Variants in TSPAN3 observed in about 807,000 individuals in gnomAD.
The protein encoded by TSPAN3 is tetraspanin-3.
TSPAN3 carries 9 observed loss-of-function variants against 31.1 expected under a neutral mutation model. The observed-to-expected ratio is 0.29, with a 90% CI of 0.17 to 0.50. TSPAN3 has a LOEUF of 0.50. Ranked by LOEUF, TSPAN3 falls within the 20% of genes least tolerant of loss-of-function variation. The pLI is 0.98. For synonymous variants in TSPAN3, 129 were observed against 114.3 expected (o/e 1.13, Z -0.82); for missense variants, 252 against 313.5 (o/e 0.80, Z 1.48).
At chr15:77,047,239 C>CA (rs1350715795) in intron 6 of TSPAN3, among the ~76,000 whole-genome samples, 1 of 152,192 alleles carries the variant, frequency 6.6e-6, no homozygotes, top group African/African-American at 2.4e-5. Context: ...GGAGACATAC[C>CA]ACATATGCAC....
chr15:77,060,476 C>A (rs2076794336), intron 1 of TSPAN3, among the ~76,000 whole-genome samples: 1 of 152,038 alleles, frequency 6.6e-6, no homozygotes. Context: ...ATGAAAAACA[C>A]CCAAAAGAAC....
intron 6 of TSPAN3, among the ~76,000 whole-genome samples, chr15:77,047,730 G>C (rs948088494): frequency 6.6e-6 from 1 of 152,164 alleles, no homozygotes; most frequent in Non-Finnish European, 1.5e-5. Context: ...AAGAGAAAAT[G>C]ATTCTAGAAT....
intron 1 of TSPAN3, among the ~76,000 whole-genome samples, chr15:77,066,580 A>G (rs2076835118): frequency 7.0e-6 from 1 of 142,952 alleles, no homozygotes; most frequent in Non-Finnish European, 1.5e-5. Flanking sequence ...TCAAAAAAAA[A>G]AAAAAAAAAA....
intron 1 of TSPAN3, among the ~76,000 whole-genome samples, chr15:77,067,102 C>A (rs1260099987): frequency 6.6e-6 from 1 of 151,946 alleles, no homozygotes; most frequent in Non-Finnish European, 1.5e-5. Context: ...CCCTCATGAC[C>A]CAATCACCTC....
intron 1 of TSPAN3, among the ~76,000 whole-genome samples, chr15:77,061,745 G>T (rs1239547504): frequency 6.6e-6 from 1 of 152,182 alleles, no homozygotes; most frequent in Non-Finnish European, 1.5e-5. Context: ...GGGCGAAGCT[G>T]AAGCAAAGAA....
Position 77,046,924 on chromosome 15 carries a change from G to T in TSPAN3, c.673C>A (p.Leu225Met). 6.3e-7 allele frequency: 1 copy of T among 1,575,184 alleles called. No homozygotes were observed. The highest frequency in any genetic ancestry group is 1.7e-4 in the Middle Eastern group (1 of 6,016). The stretch of plus-strand genomic sequence containing the variant: ...ACGATGCAAGCACACAGCATGCCCA[G>T]CAGCTGTTGAAAGAAAACAACAATG... Reference protein sequence around the residue: ...AALAFAAIQLLGMLCACIVLC... With the variant: ...AALAFAAIQLMGMLCACIVLC... Residue 225 changes from leucine (L) to methionine (M), a missense_variant, in exon 7 of 7, where the codon CTG becomes ATG. Coordinates refer to ENST00000267970, the MANE Select transcript of TSPAN3 (RefSeq NM_005724.6).
At chr15:77,048,101 A>G in intron 6 of TSPAN3, among the ~76,000 whole-genome samples, 1 of 151,804 alleles carries the variant, frequency 6.6e-6, no homozygotes, top group East Asian at 1.9e-4. Context: ...CACTTGCACC[A>G]TTTGCACCAT....
At position 77,052,903 on chromosome 15, in the gene TSPAN3, G is replaced by C; in HGVS notation, c.459C>G (p.Tyr153Ter). 1 of 1,613,896 alleles carries C rather than the reference G, an allele frequency of 6.2e-7. No homozygotes were observed. The highest frequency in any genetic ancestry group is 8.5e-7 in the Non-Finnish European group (1 of 1,179,896). ...RQLHCCGIHN[Y>*]SDWENTDWFK... ...ACCAATCTGTATTTTCCCAGTCTGA[G>C]TAGTTGTGAATTCCACAACAATGCA... Residue 153 changes from tyrosine to a stop codon, truncating the protein, a stop_gained, in exon 5 of 7, where the codon TAC becomes TAG. Coordinates refer to ENST00000267970, the MANE Select transcript of TSPAN3 (RefSeq NM_005724.6). LOFTEE classifies it high-confidence loss of function.
intron 3 of TSPAN3, chr15:77,054,794 T>C (rs574937828): frequency 2.6e-5 from 4 of 152,504 alleles, no homozygotes; most frequent in South Asian, 4.1e-4. Context: ...TCCTTAGAAA[T>C]GGCACTTTAT....
At chr15:77,054,349 A>G in intron 3 of TSPAN3, 70 bp from the exon 4 acceptor site, 2 of 1,079,276 alleles carry the variant, frequency 1.9e-6, no homozygotes, top group Admixed American at 1.8e-5. Context: ...GGCTCCTACT[A>G]AAATACTTAA....
At chr15:77,051,160 A>G (rs1325887590) in intron 6 of TSPAN3, among the ~76,000 whole-genome samples, 1 of 152,062 alleles carries the variant, frequency 6.6e-6, no homozygotes, top group Non-Finnish European at 1.5e-5. Flanking sequence ...CGGTCTCCCA[A>G]AGTGCTGGGA....
intron 6 of TSPAN3, among the ~76,000 whole-genome samples, chr15:77,050,719 TTTCA>T (rs2076724853): frequency 6.6e-6 from 1 of 152,226 alleles, no homozygotes; most frequent in Non-Finnish European, 1.5e-5. Flanking sequence ...CTTCCTCATA[TTTCA>T]TTATTTTTAG....
Position 77,045,192 on chromosome 15 carries a change from C to T in TSPAN3, c.*1643G>A, listed in dbSNP as rs959858349. 2 of 152,304 alleles carry T rather than the reference C, an allele frequency of 1.3e-5. No individual in the cohort carries two copies. Among genetic ancestry groups the T allele is most frequent in the East Asian group, 3.9e-4 (2 of 5,172 alleles). 9.4% of individuals were successfully genotyped at this position (152,304 alleles called of 1,614,324 possible). ...TTTCCCCAGTTGACTGAGCCAGAAA[C>T]CTGGGACTCATCCTAGATGAGTCTT... On this transcript the variant is annotated 3_prime_UTR_variant, in exon 7 of 7. Coordinates refer to ENST00000267970, the MANE Select transcript of TSPAN3 (RefSeq NM_005724.6).
chr15:77,047,751 C>T (rs540364037), intron 6 of TSPAN3, among the ~76,000 whole-genome samples: 2 of 152,290 alleles, frequency 1.3e-5, no homozygotes, highest in East Asian at 1.9e-4. Context: ...TTTTGACCTA[C>T]CTTCTCCCAA....
rs1172246316 is a variant in TSPAN3 at position 77,044,158 on chromosome 15, A to T, written c.*2677T>A. The T allele has an allele frequency of 1.3e-5, 2 of 151,922 alleles. No individual in the cohort carries two copies. The highest frequency in any genetic ancestry group is 2.9e-5 in the Non-Finnish European group (2 of 68,040). The allele number at this position is 151,922 out of a possible 1,614,324, so 9.4% of individuals were successfully genotyped here. A position where few individuals can be genotyped will look rare whatever the true frequency, so the allele number is the denominator to read the frequency against. ...CAGGGCTGTGTCCTGGACACACCCT[A>T]GAGCACCTTAGATGCTCTGGGACCC... is the stretch of plus-strand genomic sequence containing the variant. On this transcript the variant is annotated 3_prime_UTR_variant, in exon 7 of 7. Coordinates refer to ENST00000267970, the MANE Select transcript of TSPAN3 (RefSeq NM_005724.6).
intron 1 of TSPAN3, among the ~76,000 whole-genome samples, chr15:77,070,462 C>A (rs2076860881): frequency 6.6e-6 from 1 of 152,140 alleles, no homozygotes; most frequent in Admixed American, 6.5e-5. Flanking sequence ...CTCGGGACGG[C>A]CACTCGTCTG....
chr15:77,042,042 G>A lies in TSPAN3; in HGVS notation c.*4793C>T, dbSNP rs1216946000. On this transcript the variant is annotated 3_prime_UTR_variant, in exon 7 of 7. Transcript: ENST00000267970. ...AATGTACCCACACAGCTAACACAAT[G>A]GAATGACAAATCCTACAGTTAGACA... 6.6e-6 allele frequency: 1 copy of A among 152,128 alleles called. No individual in the cohort carries two copies. The highest frequency in any genetic ancestry group is 1.5e-5 in the Non-Finnish European group (1 of 68,032). The allele number at this position is 152,128 out of a possible 1,614,324, so 9.4% of individuals were successfully genotyped here.
At position 77,058,310 on chromosome 15, in the gene TSPAN3, T is replaced by C. The variant is rs1455036692; in HGVS notation, c.64-2055A>G. Among the ~76,000 whole-genome samples, 4 of 152,206 alleles carry C rather than the reference T, an allele frequency of 2.6e-5. No individual in the cohort carries two copies. In the South Asian group the frequency reaches 6.2e-4, roughly 24 times the overall value. ...TCCTCCTTTTCAGCCCCAGATCTCA[T>C]TACCCCTTGTGAACTATGAACAATA... On this transcript the variant is annotated intron_variant, in intron 1 of 6. Coordinates refer to ENST00000267970, the MANE Select transcript of TSPAN3 (RefSeq NM_005724.6).
At chr15:77,068,703 A>C (rs540027016) in intron 1 of TSPAN3, among the ~76,000 whole-genome samples, 2 of 152,354 alleles carry the variant, frequency 1.3e-5, no homozygotes, top group East Asian at 3.9e-4. Context: ...ACTCTTAAAA[A>C]AGATAAATAA....
Sources: allele counts gnomAD v4.1 joint callset (sites outside exome capture counted in the v4.1 genomes callset), GRCh38; gene constraint gnomAD v4.1.1; transcripts MANE v1.5; gene names NCBI Gene and HGNC (gene_info 2026-07-23, HGNC 2026-07-21).